The following CDH4 variants were observed in gnomAD, a reference collection of about 807,000 sequenced individuals.
CDH4 encodes the protein cadherin 4.
In CDH4, 33 loss-of-function variants were observed where a neutral mutation model predicts 86.0. That is an observed-to-expected ratio of 0.38 (90% CI 0.29 to 0.51). The LOEUF is 0.51. Among genes scored for constraint, CDH4 ranks in the 20% least tolerant of loss-of-function variants. The pLI is 0.86. For synonymous variants in CDH4, 555 were observed against 549.4 expected, an observed-to-expected ratio of 1.01 and a Z score of -0.14; for missense variants, 1,114 against 1,307.4, an observed-to-expected ratio of 0.85 and a Z score of 2.28.
At chr20:61,621,567 T>C (rs573465670) in intron 2 of CDH4, among the ~76,000 whole-genome samples, 1 of 152,268 alleles carries the variant, frequency 6.6e-6, no homozygotes, top group South Asian at 2.1e-4. Context: ...TCACCGTCCT[T>C]CTCCGGGAGA....
chr20:61,916,071 G>A (rs150617968), intron 9 of CDH4, among the ~76,000 whole-genome samples: 16 of 152,086 alleles, frequency 1.1e-4, no homozygotes, highest in African/African-American at 3.4e-4. Context: ...TTTAAGGTGT[G>A]TATTTAGTCT....
intron 2 of CDH4, among the ~76,000 whole-genome samples, chr20:61,305,313 G>T (rs902250111): frequency 3.9e-5 from 6 of 152,182 alleles, no homozygotes; most frequent in African/African-American, 1.4e-4. Context: ...TGCACCTGCC[G>T]TATCTTATGC....
intron 2 of CDH4, among the ~76,000 whole-genome samples, chr20:61,716,357 C>T (rs1170892734): frequency 6.6e-6 from 1 of 151,656 alleles, no homozygotes; most frequent in African/African-American, 2.4e-5. Context: ...GGTGGACGCT[C>T]CTCGCCTGTG....
intron 8 of CDH4, among the ~76,000 whole-genome samples, 165 bp downstream of exon 8, chr20:61,895,212 G>A (rs1056624246): frequency 3.9e-5 from 6 of 152,254 alleles, no homozygotes; most frequent in South Asian, 2.1e-4. Context: ...GGAGTGGCTC[G>A]ATTCCTGATG....
intron 2 of CDH4, among the ~76,000 whole-genome samples, chr20:61,692,155 ATG>A (rs1256263084): frequency 6.7e-6 from 1 of 148,348 alleles, no homozygotes; most frequent in Non-Finnish European, 1.5e-5. Flanking sequence ...GTGTGTATGT[ATG>A]TGTGTCTGCA....
chr20:61,794,671 C>T (rs190512803), intron 4 of CDH4, among the ~76,000 whole-genome samples: 1 of 152,322 alleles, frequency 6.6e-6, no homozygotes, highest in Admixed American at 6.5e-5. Flanking sequence ...TGGACACAGG[C>T]TCCATGACTC....
chr20:61,291,856 C>T (rs962582267), intron 2 of CDH4, among the ~76,000 whole-genome samples: 3 of 152,210 alleles, frequency 2.0e-5, no homozygotes, highest in African/African-American at 2.4e-5. Context: ...GACCTAAGCC[C>T]GATACCCAAT....
intron 2 of CDH4, among the ~76,000 whole-genome samples, chr20:61,375,446 TA>T (rs2084861758): frequency 6.6e-6 from 1 of 151,738 alleles, no homozygotes; most frequent in Admixed American, 6.6e-5. Flanking sequence ...TTGGTGGTGG[TA>T]GTCATAGCAC....
At chr20:61,288,127 G>A (rs887315883) in intron 2 of CDH4, among the ~76,000 whole-genome samples, 11 of 152,022 alleles carry the variant, frequency 7.2e-5, no homozygotes, top group African/African-American at 2.7e-4. Context: ...TTATTCTCAC[G>A]ATTTTGTTTT....
At chr20:61,302,600 A>G (rs1261259549) in intron 2 of CDH4, among the ~76,000 whole-genome samples, 1 of 152,148 alleles carries the variant, frequency 6.6e-6, no homozygotes, top group Non-Finnish European at 1.5e-5. Context: ...CCCTCAAGTC[A>G]TCCTGAGACT....
chr20:61,307,423 G>A (rs1294031018), intron 2 of CDH4, among the ~76,000 whole-genome samples: 2 of 151,748 alleles, frequency 1.3e-5, no homozygotes, highest in Non-Finnish European at 2.9e-5. Context: ...TCCAACACAC[G>A]TTGCATGTGT....
intron 2 of CDH4, among the ~76,000 whole-genome samples, chr20:61,576,966 A>T (rs1475109364): frequency 1.3e-5 from 2 of 152,266 alleles, no homozygotes; most frequent in Admixed American, 1.3e-4. Context: ...GTGCAGTAGG[A>T]AATTAAAAAG....
intron 2 of CDH4, among the ~76,000 whole-genome samples, chr20:61,609,644 G>A (rs539299809): frequency 1.3e-5 from 2 of 152,238 alleles, no homozygotes; most frequent in African/African-American, 4.8e-5. Flanking sequence ...ATTCTCTGTC[G>A]GCTGAGCCTG....
intron 2 of CDH4, among the ~76,000 whole-genome samples, chr20:61,523,258 C>T (rs75519983): frequency 0.034 from 5,149 of 152,354 alleles, 275 homozygotes; most frequent in African/African-American, 0.12. Context: ...CCACGGCCTA[C>T]TGATCCAGGC....
chr20:61,420,336 G>A lies in CDH4; in HGVS notation c.169+165399G>A, dbSNP rs544591622. Among the ~76,000 whole-genome samples, 4 of 152,334 alleles carry A rather than the reference G, an allele frequency of 2.6e-5. No individual in the cohort carries two copies. The South Asian group carries it at 8.3e-4, about 32-fold the overall frequency. On this transcript the variant is annotated intron_variant, in intron 2 of 15. Coordinates refer to ENST00000614565, the MANE Select transcript of CDH4 (RefSeq NM_001794.5). ...ACCACTCAGGGGTGCTCCTTGCTCT[G>A]GAAGGCATTGATCTTGCCACTAAAG...
chr20:61,448,034 C>T (rs752178233), intron 2 of CDH4, among the ~76,000 whole-genome samples: 9 of 152,274 alleles, frequency 5.9e-5, no homozygotes, highest in Admixed American at 3.3e-4. Flanking sequence ...CTTTCTTGTT[C>T]GTCCCTGGGG....
chr20:61,786,034 T>C (rs59537121), intron 4 of CDH4, among the ~76,000 whole-genome samples: 1 of 152,104 alleles, frequency 6.6e-6, no homozygotes, highest in East Asian at 1.9e-4. Flanking sequence ...TCCCCTCTGG[T>C]TCACCAGACA....
intron 2 of CDH4, among the ~76,000 whole-genome samples, chr20:61,258,333 A>AAAAAAAAAAAAAAAAAAAAAAAG (rs2084110913): frequency 7.5e-6 from 1 of 133,732 alleles, no homozygotes; most frequent in African/African-American, 2.9e-5. Flanking sequence ...CCGTCTCAAA[A>AAAAAAAAAAAAAAAAAAAAAAAG]AAAAAAAAAA....
At chr20:61,426,897 T>C (rs182191463) in intron 2 of CDH4, among the ~76,000 whole-genome samples, 2 of 152,358 alleles carry the variant, frequency 1.3e-5, no homozygotes, top group African/African-American at 4.8e-5. Flanking sequence ...TTATGGCCTA[T>C]TGTGTTAAAC....
Sources: gnomAD v4.1 joint callset for allele counts (sites outside exome capture counted in the v4.1 genomes callset) on GRCh38, gnomAD v4.1.1 for gene constraint, MANE v1.5 for transcripts, NCBI Gene and HGNC (gene_info 2026-07-23, HGNC 2026-07-21) for gene names.